The following MTSS1 variants were observed in gnomAD, a reference collection of about 807,000 sequenced individuals.
The protein encoded by MTSS1 is protein MTSS 1.
A neutral mutation model predicts 79.0 loss-of-function variants in MTSS1; 18 were observed. The observed-to-expected ratio is 0.23, with a 90% CI of 0.16 to 0.34. The LOEUF is 0.34. Among genes scored for constraint, MTSS1 ranks in the 10% least tolerant of loss-of-function variants. The pLI is 1.00. For missense variants in MTSS1, 815 were observed against 986.2 expected (o/e 0.83, Z 2.33); for synonymous variants, 341 against 368.6 (o/e 0.93, Z 0.86).
intron 3 of MTSS1, among the ~76,000 whole-genome samples, chr8:124,650,364 C>T (rs991359633): frequency 1.3e-5 from 2 of 152,128 alleles, no homozygotes; most frequent in African/African-American, 4.8e-5. Flanking sequence ...TGAAACCACA[C>T]TCCTGTTGCT....
At chr8:124,574,343 A>T (rs1828527412) in intron 6 of MTSS1, among the ~76,000 whole-genome samples, 1 of 138,972 alleles carries the variant, frequency 7.2e-6, no homozygotes, top group Admixed American at 6.8e-5. Flanking sequence ...TATTTTCCTT[A>T]ATCATTATTA....
intron 3 of MTSS1, among the ~76,000 whole-genome samples, chr8:124,623,627 T>TG (rs1814046310): frequency 6.6e-6 from 1 of 152,022 alleles, no homozygotes; most frequent in African/African-American, 2.4e-5. Flanking sequence ...TTCTGTGTTT[T>TG]TTTGTTTGTT....
At chr8:124,664,425 T>C (rs760917289) in intron 3 of MTSS1, among the ~76,000 whole-genome samples, 3 of 152,232 alleles carry the variant, frequency 2.0e-5, no homozygotes, top group Non-Finnish European at 2.9e-5. Flanking sequence ...CATTCTAGTC[T>C]GAACCCAACC....
intron 13 of MTSS1, 25 bp downstream of exon 13, chr8:124,555,717 G>C: frequency 1.3e-6 from 2 of 1,575,904 alleles, no homozygotes; most frequent in South Asian, 2.4e-5. Flanking sequence ...GAAAGCCTAA[G>C]TGCACACCCC....
At chr8:124,609,063 T>C (rs1835327205) in intron 3 of MTSS1, among the ~76,000 whole-genome samples, 2 of 152,188 alleles carry the variant, frequency 1.3e-5, no homozygotes, top group South Asian at 4.1e-4. Context: ...TGAAAGGGGC[T>C]AGAATGTTTC....
At position 124,602,188 on chromosome 8, in the gene MTSS1, CAT is replaced by C; in HGVS notation, c.209-10955_209-10954del. Among the ~76,000 whole-genome samples, 340 of 116,716 alleles carry C rather than the reference CAT, an allele frequency of 2.9e-3. 13 individuals carry two copies. The highest frequency in any genetic ancestry group is 0.013 in the African/African-American group (302 of 23,346). The allele number at this position is 116,716 out of a possible 152,430, so 76.6% of individuals were successfully genotyped here. On this transcript the variant is annotated intron_variant, in intron 3 of 13. Coordinates refer to ENST00000518547, the MANE Select transcript of MTSS1 (RefSeq NM_014751.6). ...ATCACAAATAAATCTCATATATATACATATATATATATATATATAATTTTTTT... is the reference window on the plus strand; with the variant it reads ...ATCACAAATAAATCTCATATATATACATATATATATATATATAATTTTTTT...
In MTSS1 at chr8:124,582,418, C is replaced by A. The variant is rs2132471224; in HGVS notation, c.460+2669G>T. ...TCACAAAAATCACATCCGTGTGTGT[C>A]TGCCCACGTCAAGGATGGTGGTAAA... On this transcript the variant is annotated intron_variant, in intron 6 of 13. Transcript: ENST00000518547. This position sits in a 1 kb window ranked among gnomAD's most constrained non-coding sequence, Gnocchi z 4.8. 6.6e-6 allele frequency among the ~76,000 whole-genome samples: 1 copy of A among 152,272 alleles called. No homozygotes were observed. Among genetic ancestry groups the A allele is most frequent in the South Asian group, 2.1e-4 (1 of 4,818 alleles).
At chr8:124,701,753 G>A (rs1018581928) in intron 2 of MTSS1, among the ~76,000 whole-genome samples, 1 of 152,198 alleles carries the variant, frequency 6.6e-6, no homozygotes, top group African/African-American at 2.4e-5. Flanking sequence ...TTCACTGTCC[G>A]CTGTAGTCAC....
intron 3 of MTSS1, among the ~76,000 whole-genome samples, chr8:124,604,112 C>G (rs1033632391): frequency 1.3e-5 from 2 of 152,122 alleles, no homozygotes; most frequent in Non-Finnish European, 2.9e-5. Context: ...ACTCAGGAAG[C>G]TGAGGCAGGA....
In MTSS1 at chr8:124,702,189, A is replaced by C. The variant is rs1829798138; in HGVS notation, c.134+1941T>G. 1.3e-5 allele frequency among the ~76,000 whole-genome samples: 2 copies of C among 152,252 alleles called. 1 individual carries two copies. The highest frequency in any genetic ancestry group is 4.1e-4 in the South Asian group (2 of 4,834). On this transcript the variant is annotated intron_variant, in intron 2 of 13. Transcript: ENST00000518547. The stretch of plus-strand genomic sequence containing the variant: ...ACTGCCAGACGGTTAAATGAGGCTG[A>C]ATCTTAAAAAAGTAGGGGAAATGTA...
At chr8:124,724,375 T>G (rs1463364960) in intron 1 of MTSS1, among the ~76,000 whole-genome samples, 1 of 152,210 alleles carries the variant, frequency 6.6e-6, no homozygotes, top group Non-Finnish European at 1.5e-5. Flanking sequence ...GCCTCTATTC[T>G]GCTCAGCACA....
chr8:124,624,294 G>A (rs561613590), intron 3 of MTSS1, among the ~76,000 whole-genome samples: 37 of 152,150 alleles, frequency 2.4e-4, no homozygotes, highest in Non-Finnish European at 4.3e-4. Flanking sequence ...ATGGCTCCGC[G>A]TTCAGACAGC....
intron 1 of MTSS1, among the ~76,000 whole-genome samples, chr8:124,716,691 C>A (rs1832044056): frequency 6.6e-6 from 1 of 152,160 alleles, no homozygotes; most frequent in African/African-American, 2.4e-5. Flanking sequence ...AAATTACACA[C>A]AGCAAGATTT....
rs909342951 is a variant in MTSS1 at position 124,692,045 on chromosome 8, T to G, written c.208+7481A>C. 1.1e-4 allele frequency among the ~76,000 whole-genome samples: 16 copies of G among 151,736 alleles called. 1 individual carries two copies. The highest frequency in any genetic ancestry group is 4.2e-4 in the South Asian group (2 of 4,760). On this transcript the variant is annotated intron_variant, in intron 3 of 13. Coordinates refer to ENST00000518547, the MANE Select transcript of MTSS1 (RefSeq NM_014751.6). ...ATTACCCTGATTTTTTTTTTTTTTT[T>G]TTGAGACAGAGTCTCACTCCATTAC...
At chr8:124,685,422 G>A (rs146497065) in intron 3 of MTSS1, among the ~76,000 whole-genome samples, 70 of 152,344 alleles carry the variant, frequency 4.6e-4, no homozygotes, top group African/African-American at 1.7e-3. Flanking sequence ...CCAGACCAGG[G>A]AACAGGTAAT....
chr8:124,553,022 T>G lies in MTSS1; in HGVS notation c.2238A>C (p.Thr746=). The stretch of plus-strand genomic sequence containing the variant: ...AAAAGCGAGGGGCTGAGCGATCGTT[T>G]GTCGTGGTCTTCTTCAGTTTCACGC... ...RRGVKLKKTT[T]NDRSAPRFS is the part of the protein sequence containing the mutation. The change falls in exon 14 of 14, where the codon ACA becomes ACC. Residue 746 remains threonine, a synonymous_variant. Coordinates refer to ENST00000518547, the MANE Select transcript of MTSS1 (RefSeq NM_014751.6). This position sits in a 1 kb window ranked among gnomAD's most constrained non-coding sequence, Gnocchi z 6.0. 6.2e-7 allele frequency: 1 copy of G among 1,613,820 alleles called. No individual in the cohort carries two copies. The highest frequency in any genetic ancestry group is 8.5e-7 in the Non-Finnish European group (1 of 1,179,700).
intron 3 of MTSS1, among the ~76,000 whole-genome samples, chr8:124,631,883 C>T (rs1816025170): frequency 1.3e-5 from 2 of 152,218 alleles, no homozygotes; most frequent in Admixed American, 1.3e-4. Context: ...GGCTCTTCCA[C>T]TGCAGCTACT....
chr8:124,700,992 C>T (rs995569567), intron 2 of MTSS1, among the ~76,000 whole-genome samples: 16 of 152,146 alleles, frequency 1.1e-4, no homozygotes, highest in Non-Finnish European at 1.6e-4. Context: ...CTTTGGAAAG[C>T]TGAGGTGGGA....
At chr8:124,685,182 C>T (rs1466316663) in intron 3 of MTSS1, among the ~76,000 whole-genome samples, 4 of 152,196 alleles carry the variant, frequency 2.6e-5, no homozygotes, top group Admixed American at 6.5e-5. Context: ...TTCATCATCC[C>T]GGTACGGGGC....
Sources: allele counts gnomAD v4.1 joint callset (sites outside exome capture counted in the v4.1 genomes callset), GRCh38; gene constraint gnomAD v4.1.1; non-coding constraint Gnocchi (gnomAD v3.1); transcripts MANE v1.5; gene names NCBI Gene and HGNC (gene_info 2026-07-23, HGNC 2026-07-21).